The following ANKDD1B variants were observed in gnomAD, a reference collection of about 807,000 sequenced individuals.
ANKDD1B encodes the protein ankyrin repeat and death domain containing 1B.
Under a neutral mutation model 59.7 loss-of-function variants are expected in ANKDD1B, and 57 were observed. The observed-to-expected ratio is 0.95, with a 90% CI of 0.77 to 1.19. The LOEUF is 1.19. Ranked by LOEUF, ANKDD1B falls within the 50% of genes most tolerant of loss-of-function variation. The probability of loss-of-function intolerance (pLI) is 0.00; values close to 1 mark genes in which losing one functional copy is unlikely to be tolerated. For missense variants in ANKDD1B, 602 were observed against 641.9 expected, an observed-to-expected ratio of 0.94 and a Z score of 0.67; for synonymous variants, 216 against 239.5, an observed-to-expected ratio of 0.90 and a Z score of 0.91.
chr5:75,668,793 C>T (rs900128915), intron 12 of ANKDD1B, among the ~76,000 whole-genome samples: 1 of 152,202 alleles, frequency 6.6e-6, no homozygotes, highest in African/African-American at 2.4e-5. Context: ...ATGAATGGTG[C>T]ATGCTTGCTG....
chr5:75,666,696 A>T, intron 11 of ANKDD1B, 96 bp from the exon 12 acceptor site: 2 of 895,674 alleles, frequency 2.2e-6, no homozygotes, highest in Non-Finnish European at 3.4e-6. Context: ...CTCGGTTACC[A>T]CCTTACTAGT....
At chr5:75,637,095 A>G (rs1774328845) in intron 7 of ANKDD1B, among the ~76,000 whole-genome samples, 1 of 151,528 alleles carries the variant, frequency 6.6e-6, no homozygotes. Context: ...AAAATACAAA[A>G]TTAGCCGGGT....
At chr5:75,649,875 T>C (rs977825869) in intron 7 of ANKDD1B, among the ~76,000 whole-genome samples, 2 of 152,260 alleles carry the variant, frequency 1.3e-5, no homozygotes, top group Non-Finnish European at 2.9e-5. Flanking sequence ...TATGGATCAA[T>C]TGATTGTCCA....
intron 11 of ANKDD1B, among the ~76,000 whole-genome samples, chr5:75,665,719 A>G (rs1287496315): frequency 6.6e-6 from 1 of 152,116 alleles, no homozygotes; most frequent in Non-Finnish European, 1.5e-5. Flanking sequence ...AGCTTATTGC[A>G]TTTCCCTTGT....
At chr5:75,651,974 G>C (rs1774844602) in intron 7 of ANKDD1B, among the ~76,000 whole-genome samples, 1 of 152,146 alleles carries the variant, frequency 6.6e-6, no homozygotes, top group Non-Finnish European at 1.5e-5. Context: ...CTTTTTGCAA[G>C]GGCATGGGTC....
At position 75,611,711 on chromosome 5, in the gene ANKDD1B, A is replaced by C; in HGVS notation, c.77A>C (p.Lys26Thr). The C allele has an allele frequency of 8.1e-7, 1 of 1,231,840 alleles. No individual in the cohort carries two copies. The highest frequency in any genetic ancestry group is 1.0e-6 in the Non-Finnish European group (1 of 988,082). The allele number at this position is 1,231,840 out of a possible 1,614,324, so 76.3% of individuals were successfully genotyped here. The stretch of plus-strand genomic sequence containing the variant: ...CTGCTCCGGGCTGCTGCGGCCGCCA[A>C]GGGTCTCAGGGAAGACCTGTGGGGC... The part of the protein sequence containing the change: ...GLLLRAAAAA[K>T]GLREDLWGAA... The change falls in exon 1 of 14, where the codon AAG becomes ACG. Residue 26 changes from lysine (K) to threonine (T), a missense_variant. Around this residue, in one of 3 missense-constraint regions of ANKDD1B, gnomAD observed 317 missense variants for 304.6 expected, o/e 1.04. Transcript: ENST00000601380.
At chr5:75,612,180 AAGTC>A (rs1303329737) in intron 1 of ANKDD1B, among the ~76,000 whole-genome samples, 1 of 152,172 alleles carries the variant, frequency 6.6e-6, no homozygotes, top group Non-Finnish European at 1.5e-5. Flanking sequence ...GACTTTAAAT[AAGTC>A]AGTCACTTAA....
rs561974632 is a variant in ANKDD1B at position 75,626,261 on chromosome 5, C to T, written c.600+306C>T. On this transcript the variant is annotated intron_variant, in intron 5 of 13. Transcript: ENST00000601380. ...TCCCCTCTAGTAATCAGAATGTGTACCTAAATTTTATTTTATTATACTTGG... is the reference window on the plus strand; with the variant it reads ...TCCCCTCTAGTAATCAGAATGTGTATCTAAATTTTATTTTATTATACTTGG... Among the ~76,000 whole-genome samples the T allele has an allele frequency of 1.4e-4, 22 of 152,244 alleles. No individual in the cohort carries two copies. The South Asian group carries it at 4.6e-3, about 32-fold the overall frequency.
intron 11 of ANKDD1B, among the ~76,000 whole-genome samples, chr5:75,664,655 T>C (rs1775260726): frequency 6.6e-6 from 1 of 152,230 alleles, no homozygotes; most frequent in African/African-American, 2.4e-5. Context: ...TCATTGGTTC[T>C]ATTTTTAATT....
At chr5:75,630,120 G>A (rs75049997) in intron 5 of ANKDD1B, among the ~76,000 whole-genome samples, 3 of 152,226 alleles carry the variant, frequency 2.0e-5, no homozygotes, top group African/African-American at 7.2e-5. Context: ...AAAGCTTCCT[G>A]CCTTCCAAGT....
chr5:75,651,111 T>G (rs1314162905), intron 7 of ANKDD1B, among the ~76,000 whole-genome samples: 1 of 152,200 alleles, frequency 6.6e-6, no homozygotes, highest in East Asian at 1.9e-4. Flanking sequence ...ACTGGCACGC[T>G]GGAATTTCTG....
At chr5:75,619,064 AACTTATTTT>A (rs1161881706) in intron 2 of ANKDD1B, among the ~76,000 whole-genome samples, 1 of 152,192 alleles carries the variant, frequency 6.6e-6, no homozygotes, top group Non-Finnish European at 1.5e-5. Flanking sequence ...TGTTTTGTTG[AACTTATTTT>A]ATCACTGGTT....
chr5:75,613,022 T>C (rs541882354), intron 1 of ANKDD1B, among the ~76,000 whole-genome samples: 4 of 152,026 alleles, frequency 2.6e-5, no homozygotes, highest in African/African-American at 7.2e-5. Flanking sequence ...TTACATGGAG[T>C]GTGTGTTCCT....
At chr5:75,620,215 A>G in intron 2 of ANKDD1B, 100 bp from the exon 3 acceptor site, 1 of 593,284 alleles carries the variant, frequency 1.7e-6, no homozygotes, top group African/African-American at 1.9e-5. Context: ...CAATCAAAAT[A>G]GAAACACTTG....
At chr5:75,622,644 A>T (rs1460353677) in intron 3 of ANKDD1B, among the ~76,000 whole-genome samples, 1 of 152,206 alleles carries the variant, frequency 6.6e-6, no homozygotes, top group Non-Finnish European at 1.5e-5. Context: ...CTAACATGGA[A>T]GTGTTCCCCA....
intron 9 of ANKDD1B, among the ~76,000 whole-genome samples, chr5:75,657,908 A>G (rs984235395): frequency 2.6e-5 from 4 of 151,938 alleles, no homozygotes; most frequent in Non-Finnish European, 5.9e-5. Flanking sequence ...AGAAAAAAAA[A>G]AAAAAAGAAA....
At chr5:75,666,244 C>T (rs1272161857) in intron 11 of ANKDD1B, among the ~76,000 whole-genome samples, 1 of 152,118 alleles carries the variant, frequency 6.6e-6, no homozygotes. Context: ...GATGTCCACT[C>T]CTGTCCTCTC....
intron 5 of ANKDD1B, 69 bp downstream of exon 5, chr5:75,626,024 G>A (rs923978654): frequency 2.4e-5 from 28 of 1,173,530 alleles, no homozygotes; most frequent in Admixed American, 2.0e-5. Flanking sequence ...CCTGCCTCTG[G>A]TACAGCTGTG....
intron 9 of ANKDD1B, among the ~76,000 whole-genome samples, chr5:75,658,767 G>A (rs1029752847): frequency 2.6e-5 from 4 of 151,600 alleles, no homozygotes; most frequent in Admixed American, 6.6e-5. Context: ...AAAAATCTTC[G>A]AAATAATTTT....
Sources: gnomAD v4.1 joint callset for allele counts (sites outside exome capture counted in the v4.1 genomes callset) on GRCh38, gnomAD v4.1.1 for gene constraint, gnomAD v4.1.1 regional missense constraint, MANE v1.5 for transcripts, NCBI Gene and HGNC (gene_info 2026-07-23, HGNC 2026-07-21) for gene names.